PTN: variants seen among roughly 807,000 people sequenced by gnomAD.
PTN encodes the protein heparin affin regulatory protein.
A neutral mutation model predicts 24.1 loss-of-function variants in PTN; 18 were observed. The ratio of observed to expected loss-of-function variants is 0.75; its 90% CI spans 0.52 to 1.11. The LOEUF is 1.11. Ranked by LOEUF, PTN falls within the 50% of genes least tolerant of loss-of-function variation. The pLI is 0.00. For missense variants in PTN, 163 were observed against 198.8 expected (o/e 0.82, Z 1.08); for synonymous variants, 78 against 68.6 (o/e 1.14, Z -0.67).
At chr7:137,247,187 A>G (rs1808737978) in intron 4 of PTN, among the ~76,000 whole-genome samples, 1 of 152,224 alleles carries the variant, frequency 6.6e-6, no homozygotes, top group Admixed American at 6.5e-5. Context: ...AATAAAGGGA[A>G]TCAGTATATT....
chr7:137,249,572 T>C (rs2128870621), intron 4 of PTN, among the ~76,000 whole-genome samples: 1 of 152,234 alleles, frequency 6.6e-6, no homozygotes, highest in Admixed American at 6.5e-5. Context: ...AATTCTGTAT[T>C]TATGCTGAAT....
At chr7:137,251,805 T>C (rs1246532175) in intron 3 of PTN, among the ~76,000 whole-genome samples, 2 of 151,892 alleles carry the variant, frequency 1.3e-5, no homozygotes, top group Non-Finnish European at 2.9e-5. Flanking sequence ...ACTTCTGAGA[T>C]TGGCTTTTTT....
chr7:137,240,766 T>A (rs1808614896), intron 4 of PTN, among the ~76,000 whole-genome samples: 1 of 152,134 alleles, frequency 6.6e-6, no homozygotes, highest in South Asian at 2.1e-4. Context: ...GGTCTAAAAT[T>A]CATTCACTTT....
intron 1 of PTN, among the ~76,000 whole-genome samples, chr7:137,314,597 C>CTTTTT (rs34363631): frequency 1.5e-5 from 2 of 131,842 alleles, no homozygotes; most frequent in African/African-American, 5.7e-5. Context: ...TTACATGATG[C>CTTTTT]TTTTTTTTTT....
intron 1 of PTN, among the ~76,000 whole-genome samples, chr7:137,327,897 AAGC>A (rs1418650137): frequency 6.6e-6 from 1 of 152,168 alleles, no homozygotes; most frequent in Non-Finnish European, 1.5e-5. Context: ...TTGACAACTG[AAGC>A]AGCCCTCTAA....
At position 137,246,492 on chromosome 7, in the gene PTN, C is replaced by T. The variant is rs147841263; in HGVS notation, c.451+4738G>A. Among the ~76,000 whole-genome samples, 368 of 152,284 alleles carry T rather than the reference C, an allele frequency of 2.4e-3. 1 individual carries two copies. The highest frequency in any genetic ancestry group is 2.6e-3 in the Non-Finnish European group (180 of 68,016). ...AATTAAACTCATATTTTGAAAACCA[C>T]TGATTTTCCTCATGACTGCAATGCC... On this transcript the variant is annotated intron_variant, in intron 4 of 4. Transcript: ENST00000348225.
At chr7:137,235,129 TA>T (rs1395864453) in intron 4 of PTN, among the ~76,000 whole-genome samples, 1 of 152,010 alleles carries the variant, frequency 6.6e-6, no homozygotes, top group African/African-American at 2.4e-5. Flanking sequence ...CACAAGGACT[TA>T]TCACAGAAAA....
At chr7:137,289,687 A>G (rs1809610134) in intron 1 of PTN, among the ~76,000 whole-genome samples, 1 of 152,172 alleles carries the variant, frequency 6.6e-6, no homozygotes, top group South Asian at 2.1e-4. Flanking sequence ...TAAGTGGCCC[A>G]CAGCTGACAG....
intron 4 of PTN, among the ~76,000 whole-genome samples, chr7:137,242,632 G>A (rs1269975069): frequency 6.6e-6 from 1 of 152,202 alleles, no homozygotes; most frequent in Non-Finnish European, 1.5e-5. Context: ...AATAACCCAA[G>A]ATACTAGAAT....
At position 137,323,120 on chromosome 7, in the gene PTN, G is replaced by T. The variant is rs1374199727; in HGVS notation, c.-2+20319C>A. ...TCTTTGTTGTCCAATTTCTTCTTTG[G>T]ATTACCAATTTTTGAAAAACATCTT... On this transcript the variant is annotated intron_variant, in intron 1 of 4. Coordinates refer to ENST00000348225, the MANE Select transcript of PTN (RefSeq NM_002825.7). 2.0e-5 allele frequency among the ~76,000 whole-genome samples: 3 copies of T among 152,004 alleles called. No individual in the cohort carries two copies. In the East Asian group the frequency reaches 5.8e-4, roughly 29 times the overall value.
chr7:137,288,830 A>ACC (rs1224632525), intron 1 of PTN, among the ~76,000 whole-genome samples: 2 of 152,178 alleles, frequency 1.3e-5, no homozygotes, highest in Non-Finnish European at 2.9e-5. Context: ...CAGTAAAAGT[A>ACC]CAACAGGGGC....
intron 1 of PTN, among the ~76,000 whole-genome samples, chr7:137,258,647 A>AAAAATTCAAGT: frequency 6.6e-6 from 1 of 152,324 alleles, no homozygotes; most frequent in East Asian, 1.9e-4. Flanking sequence ...TGCCCAAAAC[A>AAAAATTCAAGT]ATACCCAACT....
intron 1 of PTN, among the ~76,000 whole-genome samples, chr7:137,310,256 A>G (rs1421376232): frequency 6.6e-6 from 1 of 152,206 alleles, no homozygotes; most frequent in African/African-American, 2.4e-5. Flanking sequence ...ACCACGCTGT[A>G]AACAGATGTG....
chr7:137,238,670 G>A (rs930113198), intron 4 of PTN, among the ~76,000 whole-genome samples: 1 of 152,174 alleles, frequency 6.6e-6, no homozygotes, highest in Non-Finnish European at 1.5e-5. Flanking sequence ...TCAAGTTCAA[G>A]ACTGATCATT....
intron 1 of PTN, among the ~76,000 whole-genome samples, chr7:137,331,060 C>T (rs182294713): frequency 8.5e-5 from 13 of 152,288 alleles, no homozygotes; most frequent in African/African-American, 3.1e-4. Context: ...TCTCTAAAGC[C>T]TCAGTTCAAG....
intron 1 of PTN, among the ~76,000 whole-genome samples, chr7:137,323,539 T>C (rs1385085991): frequency 6.6e-6 from 1 of 152,168 alleles, no homozygotes; most frequent in Non-Finnish European, 1.5e-5. Context: ...ACATGGAAAG[T>C]TGAGTTTTTA....
intron 1 of PTN, among the ~76,000 whole-genome samples, chr7:137,270,087 G>A (rs1223763331): frequency 6.6e-6 from 1 of 152,198 alleles, no homozygotes; most frequent in East Asian, 1.9e-4. Flanking sequence ...ACAGTGACAA[G>A]TGATAAGACA....
intron 1 of PTN, among the ~76,000 whole-genome samples, chr7:137,268,382 C>A (rs1263346727): frequency 2.0e-5 from 3 of 152,054 alleles, no homozygotes; most frequent in African/African-American, 7.2e-5. Flanking sequence ...ACAGGAGACA[C>A]CGAGATAGTG....
chr7:137,309,033 G>C (rs949763018), intron 1 of PTN, among the ~76,000 whole-genome samples: 2 of 152,196 alleles, frequency 1.3e-5, no homozygotes, highest in African/African-American at 2.4e-5. Context: ...GCACAGTAAA[G>C]AGTGAGGGTT....
Sources: allele counts gnomAD v4.1 joint callset (sites outside exome capture counted in the v4.1 genomes callset), GRCh38; gene constraint gnomAD v4.1.1; transcripts MANE v1.5; gene names NCBI Gene and HGNC (gene_info 2026-07-23, HGNC 2026-07-21).